FBXL4: variants seen among roughly 807,000 people sequenced by gnomAD.
The protein encoded by FBXL4 is F-box/LRR-repeat protein 4.
Under a neutral mutation model 58.9 loss-of-function variants are expected in FBXL4, and 40 were observed. That is an observed-to-expected ratio of 0.68 (90% confidence interval 0.53 to 0.88). FBXL4 has a LOEUF of 0.88. FBXL4 is among the 40% of genes least tolerant of loss of function. FBXL4 has a pLI of 0.00. For synonymous variants in FBXL4, 263 were observed against 265.5 expected, an observed-to-expected ratio of 0.99 and a Z score of 0.09; for missense variants, 676 against 734.4, an observed-to-expected ratio of 0.92 and a Z score of 0.92.
At chr6:98,889,260 A>C (rs1771140383) in intron 7 of FBXL4, among the ~76,000 whole-genome samples, 1 of 152,234 alleles carries the variant, frequency 6.6e-6, no homozygotes. Context: ...ATTAGTCCAT[A>C]AACACCATAC....
chr6:98,937,404 A>T (rs1773261184), intron 1 of FBXL4, among the ~76,000 whole-genome samples: 1 of 152,256 alleles, frequency 6.6e-6, no homozygotes, highest in South Asian at 2.1e-4. Context: ...GTTGATTAAC[A>T]TATTTTGTAA....
chr6:98,899,920 C>T (rs1771544377), intron 6 of FBXL4, among the ~76,000 whole-genome samples: 1 of 152,104 alleles, frequency 6.6e-6, no homozygotes, highest in Non-Finnish European at 1.5e-5. Flanking sequence ...ACGAAAGTAA[C>T]AACTTATTTA....
intron 4 of FBXL4, 78 bp downstream of exon 4, chr6:98,926,399 G>C: frequency 2.2e-6 from 3 of 1,393,102 alleles, no homozygotes; most frequent in Non-Finnish European, 2.9e-6. Flanking sequence ...AAGAATGCTT[G>C]CAATAAAAAA....
chr6:98,922,877 A>G (rs1032403820), intron 4 of FBXL4, among the ~76,000 whole-genome samples: 1 of 152,162 alleles, frequency 6.6e-6, no homozygotes, highest in African/African-American at 2.4e-5. Flanking sequence ...TGACAAGTCT[A>G]TGAGTTCCCT....
At position 98,875,548 on chromosome 6, in the gene FBXL4, C is replaced by G. The variant is rs11537982; in HGVS notation, c.1569G>C (p.Gly523=). 35 of 1,614,030 alleles carry G rather than the reference C, an allele frequency of 2.2e-5. No homozygotes were observed. Among genetic ancestry groups the G allele is most frequent in the Middle Eastern group, 1.7e-4 (1 of 6,060 alleles). ...GWCPTLQSST[G]CFTRLAHQLP... Reference sequence around the variant, plus strand: ...GCTGGTGTGCCAGTCTGGTGAAGCACCCGGTGCTGCTCTGCAGAGTTGGGC... The same window carrying G: ...GCTGGTGTGCCAGTCTGGTGAAGCAGCCGGTGCTGCTCTGCAGAGTTGGGC... The change falls in exon 9 of 10, where the codon GGG becomes GGC. Residue 523 remains glycine, a synonymous_variant. Transcript: ENST00000369244.
At chr6:98,888,217 GTAA>G (rs1201452397) in intron 7 of FBXL4, among the ~76,000 whole-genome samples, 1 of 152,184 alleles carries the variant, frequency 6.6e-6, no homozygotes, top group African/African-American at 2.4e-5. Flanking sequence ...GCCTGTTTTT[GTAA>G]ATAAAGTTTT....
At position 98,906,174 on chromosome 6, in the gene FBXL4, T is replaced by TA. The variant is rs548854461; in HGVS notation, c.859-505dup. Among the ~76,000 whole-genome samples, 1,116 of 123,790 alleles carry TA rather than the reference T, an allele frequency of 9.0e-3. 6 individuals are homozygous for TA. The highest frequency in any genetic ancestry group is 0.018 in the African/African-American group (615 of 34,274). 81.2% of individuals were successfully genotyped at this position (123,790 alleles called of 152,430 possible). A position where few individuals can be genotyped will look rare whatever the true frequency, so the allele number is the denominator to read the frequency against. Reference sequence around the variant, plus strand: ...TACCTGTGCCAGGAACACTCAGCTTTAAAAAAAAAAAAAAAAACACTTTTA... The same window carrying TA: ...TACCTGTGCCAGGAACACTCAGCTTTAAAAAAAAAAAAAAAAAACACTTTTA... On this transcript the variant is annotated intron_variant, in intron 5 of 9. Coordinates refer to ENST00000369244, the MANE Select transcript of FBXL4 (RefSeq NM_001278716.2).
intron 4 of FBXL4, among the ~76,000 whole-genome samples, chr6:98,924,363 C>G (rs1165606942): frequency 6.6e-6 from 1 of 152,142 alleles, no homozygotes; most frequent in African/African-American, 2.4e-5. Flanking sequence ...TCGAGACCAG[C>G]CTGCCCAACC....
intron 1 of FBXL4, among the ~76,000 whole-genome samples, chr6:98,938,917 T>C (rs1464145814): frequency 6.6e-6 from 1 of 151,370 alleles, no homozygotes; most frequent in Non-Finnish European, 1.5e-5. Context: ...ACCCTGCCTC[T>C]ACAAAAATAA....
In FBXL4 at chr6:98,874,408, T is replaced by C; in HGVS notation, c.1736A>G (p.Lys579Arg). Reference protein sequence around the residue: ...TRMVSPASLRKLLESCKDLSL... With the variant: ...TRMVSPASLRRLLESCKDLSL... ...AAGATCTTTACAAGATTCCAGGAGT[T>C]TTCTTAAGGATGCCGGACTTACCAT... Residue 579 changes from lysine (K) to arginine (R), a missense_variant, in exon 10 of 10, where the codon AAA (lysine) becomes AGA (arginine). By Grantham distance (26) the Lys-to-Arg change is conservative. Coordinates refer to ENST00000369244, the MANE Select transcript of FBXL4 (RefSeq NM_001278716.2). 6.2e-7 allele frequency: 1 copy of C among 1,610,620 alleles called. No individual in the cohort carries two copies. The highest frequency in any genetic ancestry group is 1.1e-5 in the South Asian group (1 of 90,484).
intron 7 of FBXL4, among the ~76,000 whole-genome samples, chr6:98,891,467 T>G (rs1225056701): frequency 6.6e-6 from 1 of 152,204 alleles, no homozygotes; most frequent in Non-Finnish European, 1.5e-5. Context: ...AGTCTCATTT[T>G]GAAGCCTATT....
chr6:98,943,647 T>C (rs1469471379), intron 1 of FBXL4, among the ~76,000 whole-genome samples: 1 of 107,798 alleles, frequency 9.3e-6, no homozygotes, highest in African/African-American at 3.7e-5. Context: ...CAGGGAGAAA[T>C]AAAAGTTCAG....
intron 6 of FBXL4, among the ~76,000 whole-genome samples, chr6:98,901,046 T>C (rs550424432): frequency 1.5e-4 from 23 of 152,276 alleles, no homozygotes; most frequent in African/African-American, 5.3e-4. Flanking sequence ...ACTGGGGAGA[T>C]AGCAGTGGAC....
Position 98,874,158 on chromosome 6 carries a change from T to C in FBXL4, c.*120A>G. 2.8e-6 allele frequency: 2 copies of C among 726,446 alleles called. No individual in the cohort carries two copies. The highest frequency in any genetic ancestry group is 4.1e-6 in the Non-Finnish European group (2 of 483,326). The allele number at this position is 726,446 out of a possible 1,614,324, so 45.0% of individuals were successfully genotyped here. A position where few individuals can be genotyped will look rare whatever the true frequency, so the allele number is the denominator to read the frequency against. ...TTTAATGGACAATTTCATATTTTTC[T>C]TTAAAATCTACAAATGTCTTAATTC... On this transcript the variant is annotated 3_prime_UTR_variant, in exon 10 of 10. Coordinates refer to ENST00000369244, the MANE Select transcript of FBXL4 (RefSeq NM_001278716.2).
In FBXL4 at chr6:98,871,834, G is replaced by C. The variant is rs759099487; in HGVS notation, c.*2444C>G. ...CAACCACATTGGCATAATAGTGTTA[G>C]TTCTATTGTGAGCTTTTGCGTTCAG... On this transcript the variant is annotated 3_prime_UTR_variant, in exon 10 of 10. Coordinates refer to ENST00000369244, the MANE Select transcript of FBXL4 (RefSeq NM_001278716.2). 6.6e-6 allele frequency: 1 copy of C among 152,156 alleles called. No homozygotes were observed. Among genetic ancestry groups the C allele is most frequent in the Non-Finnish European group, 1.5e-5 (1 of 68,028 alleles). The allele number at this position is 152,156 out of a possible 1,614,324, so 9.4% of individuals were successfully genotyped here.
At chr6:98,942,024 C>A (rs1352570396) in intron 1 of FBXL4, among the ~76,000 whole-genome samples, 13 of 150,338 alleles carry the variant, frequency 8.6e-5, no homozygotes, top group Non-Finnish European at 1.5e-5. Context: ...AACCTAACAT[C>A]TATATAAGAT....
chr6:98,883,542 G>A (rs746077794), intron 7 of FBXL4, among the ~76,000 whole-genome samples: 8 of 151,596 alleles, frequency 5.3e-5, no homozygotes, highest in Non-Finnish European at 1.0e-4. Flanking sequence ...TAAAATCAGA[G>A]TTTTAGAGTC....
At position 98,899,476 on chromosome 6, in the gene FBXL4, A is replaced by G. The variant is rs1771524890; in HGVS notation, c.1109T>C (p.Leu370Pro). The stretch of plus-strand genomic sequence containing the variant: ...TACTAATTCGGATCCACAAACCTTC[A>G]GAAACCTGCCAAAACAACATTCTAT... ...FISVAGFSRF[L>P]KVCGSELVRL... The change falls in exon 7 of 10, where the codon CTG (leucine) becomes CCG (proline). Residue 370 changes from leucine (L) to proline (P), a missense_variant. Coordinates refer to ENST00000369244, the MANE Select transcript of FBXL4 (RefSeq NM_001278716.2). 6.2e-7 allele frequency: 1 copy of G among 1,612,032 alleles called. No individual in the cohort carries two copies.
intron 7 of FBXL4, among the ~76,000 whole-genome samples, chr6:98,895,960 T>G (rs1387034628): frequency 2.6e-5 from 4 of 152,214 alleles, no homozygotes; most frequent in African/African-American, 7.2e-5. Context: ...TAATTTTTGC[T>G]TATTTTAGAA....
Sources: allele counts gnomAD v4.1 joint callset (sites outside exome capture counted in the v4.1 genomes callset), GRCh38; gene constraint gnomAD v4.1.1; transcripts MANE v1.5; gene names NCBI Gene and HGNC (gene_info 2026-07-23, HGNC 2026-07-21).